ARHGEF3: variants seen among roughly 807,000 people sequenced by gnomAD.
The protein encoded by ARHGEF3 is Rho guanine nucleotide exchange factor 3.
In ARHGEF3, 28 loss-of-function variants were observed where a neutral mutation model predicts 63.2. The observed-to-expected ratio is 0.44, with a 90% CI of 0.33 to 0.61. The LOEUF (loss-of-function observed/expected upper bound fraction) is 0.61. ARHGEF3 is among the 20% of genes least tolerant of loss of function. ARHGEF3 has a pLI of 0.03. For missense variants in ARHGEF3, 533 were observed against 659.3 expected (o/e 0.81, Z 2.10); for synonymous variants, 266 against 254.2 (o/e 1.05, Z -0.44).
chr3:57,074,358 A>C, intron 1 of ARHGEF3: 2 of 1,111,298 alleles, frequency 1.8e-6, no homozygotes, highest in Non-Finnish European at 2.6e-6. Flanking sequence ...CCCCACCCCC[A>C]CCAGGGGTGA....
At chr3:56,748,259 G>T (rs1013337537) in intron 6 of ARHGEF3, among the ~76,000 whole-genome samples, 1 of 152,068 alleles carries the variant, frequency 6.6e-6, no homozygotes, top group African/African-American at 2.4e-5. Context: ...CCAACTCCTG[G>T]GCTCAAGAGA....
chr3:56,914,515 A>G (rs1417544624), intron 3 of ARHGEF3, among the ~76,000 whole-genome samples: 1 of 152,224 alleles, frequency 6.6e-6, no homozygotes, highest in Non-Finnish European at 1.5e-5. Context: ...GTTTTCAATC[A>G]CTATTAGAGG....
chr3:56,792,300 T>A (rs1218817895), intron 1 of ARHGEF3, among the ~76,000 whole-genome samples: 2 of 152,174 alleles, frequency 1.3e-5, no homozygotes, highest in Admixed American at 1.3e-4. Context: ...ATAATGAGTA[T>A]ATAATCATGC....
intron 1 of ARHGEF3, among the ~76,000 whole-genome samples, chr3:56,787,561 T>C (rs1356772885): frequency 2.0e-5 from 3 of 152,060 alleles, no homozygotes; most frequent in Non-Finnish European, 4.4e-5. Context: ...TCCTGTTTCA[T>C]AGAGGAGGAA....
intron 2 of ARHGEF3, among the ~76,000 whole-genome samples, chr3:56,766,768 A>G (rs2035726306): frequency 6.6e-6 from 1 of 151,814 alleles, no homozygotes. Flanking sequence ...TTCTATCCAA[A>G]ACTGACACAC....
chr3:56,995,701 A>AC (rs1701962215), intron 2 of ARHGEF3, among the ~76,000 whole-genome samples: 1 of 146,006 alleles, frequency 6.8e-6, no homozygotes, highest in Non-Finnish European at 1.5e-5. Flanking sequence ...TCAATTTGAG[A>AC]CCCCAGTAGA....
intron 3 of ARHGEF3, among the ~76,000 whole-genome samples, chr3:56,893,990 G>A (rs959368998): frequency 2.0e-5 from 3 of 152,028 alleles, no homozygotes; most frequent in African/African-American, 7.3e-5. Flanking sequence ...TATCAGAACC[G>A]GTCACTCGTG....
rs759849015 is a variant in ARHGEF3, at chr3:56,878,934, G to A, written c.192+3358C>T. ...GAGTTCCACCTCCTGTCAGATCAGCGGTGGAGACTTTAGATTCTCATAGGA... is the reference window on the plus strand; with the variant it reads ...GAGTTCCACCTCCTGTCAGATCAGCAGTGGAGACTTTAGATTCTCATAGGA... On this transcript the variant is annotated intron_variant, in intron 4 of 12. Transcript: ENST00000338458. 7.9e-5 allele frequency among the ~76,000 whole-genome samples: 12 copies of A among 152,294 alleles called. No homozygotes were observed. The East Asian group carries it at 1.4e-3, about 17-fold the overall frequency.
intron 2 of ARHGEF3, among the ~76,000 whole-genome samples, chr3:56,762,276 G>A (rs966875706): frequency 6.6e-6 from 1 of 152,154 alleles, no homozygotes; most frequent in Non-Finnish European, 1.5e-5. Context: ...GGACCGGAGT[G>A]AAAAATATTC....
Position 56,729,415 on chromosome 3 carries a change from C to T in ARHGEF3, c.1436G>A (p.Gly479Glu). ...GTCCATCTGCTCAAGTTTTGTTTCTCCCTGTAGCTCTCTGCTCCCGGTGGT... is the reference window on the plus strand; with the variant it reads ...GTCCATCTGCTCAAGTTTTGTTTCTTCCTGTAGCTCTCTGCTCCCGGTGGT... ...NPTTGSRELQ[G>E]ETKLEQMDQS... Residue 479 changes from glycine to glutamate, a missense_variant, in exon 10 of 10, where the codon GGA becomes GAA. Gly to Glu is a moderately conservative substitution (Grantham distance 98). Coordinates refer to ENST00000296315, the MANE Select transcript of ARHGEF3 (RefSeq NM_019555.3). The T allele has an allele frequency of 6.2e-7, 1 of 1,614,148 alleles. No individual in the cohort carries two copies. The highest frequency in any genetic ancestry group is 1.3e-5 in the African/African-American group (1 of 75,024).
intron 1 of ARHGEF3, among the ~76,000 whole-genome samples, chr3:56,798,744 C>T (rs1325569801): frequency 6.6e-6 from 1 of 152,148 alleles, no homozygotes; most frequent in Non-Finnish European, 1.5e-5. Context: ...AACAGATAAA[C>T]TGAACAAAGC....
chr3:56,940,598 G>A (rs1699130867), intron 3 of ARHGEF3: 1 of 152,084 alleles, frequency 6.6e-6, no homozygotes, highest in African/African-American at 2.4e-5. Flanking sequence ...GATCTATACA[G>A]CCTGGCTTCT....
chr3:57,056,796 A>G (rs1326702246), intron 1 of ARHGEF3, among the ~76,000 whole-genome samples: 1 of 152,068 alleles, frequency 6.6e-6, no homozygotes, highest in African/African-American at 2.4e-5. Flanking sequence ...GTCCTCTATG[A>G]GGTTGATGCA....
At chr3:56,866,327 A>G (rs1483284452) in intron 4 of ARHGEF3, among the ~76,000 whole-genome samples, 1 of 152,218 alleles carries the variant, frequency 6.6e-6, no homozygotes, top group Non-Finnish European at 1.5e-5. Context: ...CCAAAACCTT[A>G]TTTACCTTTT....
At chr3:56,991,358 A>G (rs540782346) in intron 2 of ARHGEF3, among the ~76,000 whole-genome samples, 1 of 152,282 alleles carries the variant, frequency 6.6e-6, no homozygotes, top group Non-Finnish European at 1.5e-5. Flanking sequence ...AATGCTGTTA[A>G]AAAAAGAAAA....
At chr3:56,839,675 C>T (rs1388651826) in intron 4 of ARHGEF3, among the ~76,000 whole-genome samples, 1 of 152,174 alleles carries the variant, frequency 6.6e-6, no homozygotes, top group African/African-American at 2.4e-5. Flanking sequence ...AAATTGTCTA[C>T]ACTCTGCGCC....
intron 3 of ARHGEF3, among the ~76,000 whole-genome samples, chr3:56,918,198 A>G (rs2042033622): frequency 6.6e-6 from 1 of 152,214 alleles, no homozygotes; most frequent in African/African-American, 2.4e-5. Flanking sequence ...GAAGAAAGAC[A>G]GTGCCCTGGG....
intron 4 of ARHGEF3, among the ~76,000 whole-genome samples, chr3:56,862,867 G>A (rs1486520645): frequency 3.9e-5 from 6 of 152,072 alleles, no homozygotes; most frequent in Middle Eastern, 3.2e-3. Context: ...TGTGTACCCT[G>A]GGCTGATTCA....
chr3:57,039,090 T>G (rs1704075488), intron 1 of ARHGEF3, among the ~76,000 whole-genome samples: 1 of 152,142 alleles, frequency 6.6e-6, no homozygotes, highest in Non-Finnish European at 1.5e-5. Flanking sequence ...CATCAGTATT[T>G]CCCATCCCAG....
Sources: gnomAD v4.1 joint callset for allele counts (sites outside exome capture counted in the v4.1 genomes callset) on GRCh38, gnomAD v4.1.1 for gene constraint, MANE v1.5 for transcripts, NCBI Gene and HGNC (gene_info 2026-07-23, HGNC 2026-07-21) for gene names.